RAPGEF4: variants seen among roughly 807,000 people sequenced by gnomAD.
RAPGEF4 encodes the protein RAP guanine-nucleotide-exchange factor (GEF) 4.
In RAPGEF4, 66 loss-of-function variants were observed where a neutral mutation model predicts 147.9. The observed-to-expected ratio is 0.45, with a 90% CI of 0.37 to 0.55. The LOEUF (loss-of-function observed/expected upper bound fraction) is 0.55. Ranked by LOEUF, RAPGEF4 falls within the 20% of genes least tolerant of loss-of-function variation. The pLI is 0.00. For missense variants in RAPGEF4, 1,071 were observed against 1,257.3 expected (o/e 0.85, Z 2.24); for synonymous variants, 419 against 442.7 (o/e 0.95, Z 0.67).
chr2:172,910,266 C>G (rs1446718329), intron 4 of RAPGEF4, among the ~76,000 whole-genome samples: 1 of 152,178 alleles, frequency 6.6e-6, no homozygotes, highest in Non-Finnish European at 1.5e-5. Flanking sequence ...CTCCAATAAC[C>G]TCTAGACAGT....
intron 23 of RAPGEF4, among the ~76,000 whole-genome samples, chr2:173,025,049 C>G (rs1696528718): frequency 6.6e-6 from 1 of 152,252 alleles, no homozygotes; most frequent in African/African-American, 2.4e-5. Context: ...ACCACACATT[C>G]ATTCCAAATA....
chr2:172,810,888 G>A (rs919206343), intron 3 of RAPGEF4, among the ~76,000 whole-genome samples: 10 of 152,166 alleles, frequency 6.6e-5, no homozygotes, highest in Non-Finnish European at 1.3e-4. Flanking sequence ...CCTTGTTTTC[G>A]GTTTCCCCAG....
chr2:173,023,863 C>T (rs1405566377), intron 23 of RAPGEF4, among the ~76,000 whole-genome samples: 1 of 152,194 alleles, frequency 6.6e-6, no homozygotes, highest in Admixed American at 6.5e-5. Flanking sequence ...CTCCGCAGAG[C>T]AGCAGAAGGG....
intron 6 of RAPGEF4, among the ~76,000 whole-genome samples, chr2:172,947,555 C>G (rs1346422685): frequency 6.6e-6 from 1 of 152,170 alleles, no homozygotes; most frequent in Non-Finnish European, 1.5e-5. Flanking sequence ...GGGTGTCTTT[C>G]ATGCATACAA....
chr2:173,026,292 TGAGAG>T (rs914679070), intron 23 of RAPGEF4, among the ~76,000 whole-genome samples: 2 of 152,172 alleles, frequency 1.3e-5, no homozygotes, highest in Non-Finnish European at 2.9e-5. Flanking sequence ...GGCCTGAGTG[TGAGAG>T]AAGAGAACCT....
rs199696709 is a variant in RAPGEF4 at position 172,967,271 on chromosome 2, G to T, written c.831G>T (p.Glu277Asp). The change falls in exon 10 of 31, where the codon GAG becomes GAT. Residue 277 changes from glutamate (E) to aspartate (D), a missense_variant. Physicochemically the swap from Glu to Asp is conservative, Grantham distance 45 (BLOSUM62 2). Transcript: ENST00000397081. ...EDGVLNHVDQEHHFQDKYLFY... is the reference protein window; with the variant it reads ...EDGVLNHVDQDHHFQDKYLFY... The stretch of plus-strand genomic sequence containing the variant: ...CCATGTTTCCCATAGTGGACCAGGA[G>T]CACCATTTCCAAGACAAATATTTAT... The T allele has an allele frequency of 6.2e-7, 1 of 1,611,962 alleles. No individual in the cohort carries two copies. Among genetic ancestry groups the T allele is most frequent in the African/African-American group, 1.3e-5 (1 of 75,012 alleles).
At chr2:172,967,964 G>A (rs1690032640) in intron 10 of RAPGEF4, among the ~76,000 whole-genome samples, 1 of 152,156 alleles carries the variant, frequency 6.6e-6, no homozygotes, top group African/African-American at 2.4e-5. Context: ...GGCCCCCATT[G>A]AGCCACTGAG....
intron 4 of RAPGEF4, among the ~76,000 whole-genome samples, chr2:172,827,991 C>CT (rs993359524): frequency 1.5e-4 from 23 of 149,558 alleles, no homozygotes; most frequent in South Asian, 1.1e-3. Context: ...TTGATGCACA[C>CT]TTTTTTTTTT....
intron 4 of RAPGEF4, among the ~76,000 whole-genome samples, chr2:172,871,817 A>G (rs962185140): frequency 1.3e-5 from 2 of 152,092 alleles, no homozygotes; most frequent in Admixed American, 1.3e-4. Context: ...TCACTTTTAC[A>G]TGGCTGTTTA....
At chr2:172,746,315 G>A (rs932095851) in intron 1 of RAPGEF4, among the ~76,000 whole-genome samples, 1 of 152,146 alleles carries the variant, frequency 6.6e-6, no homozygotes, top group Admixed American at 6.5e-5. Flanking sequence ...GTAACTTAAT[G>A]GTGTTCCGTC....
chr2:172,972,554 A>T (rs1351404585), intron 10 of RAPGEF4, among the ~76,000 whole-genome samples: 2 of 152,218 alleles, frequency 1.3e-5, no homozygotes, highest in Non-Finnish European at 2.9e-5. Flanking sequence ...CTTTACTGGA[A>T]AGATTTTGGC....
chr2:172,772,795 C>T (rs563478149), intron 1 of RAPGEF4, among the ~76,000 whole-genome samples: 2 of 152,342 alleles, frequency 1.3e-5, no homozygotes, highest in South Asian at 4.1e-4. Context: ...TAAGGCTGCT[C>T]ACAGTCTGGG....
rs150567205 is a variant in RAPGEF4 at position 172,891,197 on chromosome 2, G to A, written c.445-26605G>A. ...TATTAAACCAAGCGCTGACCCTTCT[G>A]AACATGCGGTTCTGTGTGACTGCAC... On this transcript the variant is annotated intron_variant, in intron 4 of 30. Transcript: ENST00000397081. 1.1e-4 allele frequency among the ~76,000 whole-genome samples: 16 copies of A among 152,244 alleles called. No homozygotes were observed. The East Asian group carries it at 2.7e-3, about 26-fold the overall frequency.
intron 4 of RAPGEF4, among the ~76,000 whole-genome samples, chr2:172,816,849 G>C (rs144632031): frequency 5.3e-4 from 80 of 152,314 alleles, no homozygotes; most frequent in African/African-American, 1.9e-3. Context: ...GTGAGTAAGA[G>C]ATAGTCAGAT....
At chr2:172,754,813 C>T (rs1455945322) in intron 1 of RAPGEF4, among the ~76,000 whole-genome samples, 4 of 152,204 alleles carry the variant, frequency 2.6e-5, no homozygotes, top group Middle Eastern at 3.4e-3. Flanking sequence ...GAGGCCGAGG[C>T]GGGCGGATCA....
chr2:173,012,754 C>T (rs1695143735), intron 17 of RAPGEF4, among the ~76,000 whole-genome samples: 1 of 152,182 alleles, frequency 6.6e-6, no homozygotes, highest in South Asian at 2.1e-4. Flanking sequence ...GGACTTGAAC[C>T]CAGATCCTCC....
chr2:172,806,033 G>A (rs1052523817), intron 3 of RAPGEF4, among the ~76,000 whole-genome samples: 1 of 151,398 alleles, frequency 6.6e-6, no homozygotes, highest in Non-Finnish European at 1.5e-5. Flanking sequence ...GTGTGTGTGT[G>A]TGTGTGTGTG....
chr2:172,802,726 T>C (rs545850848), intron 3 of RAPGEF4, among the ~76,000 whole-genome samples: 2 of 152,240 alleles, frequency 1.3e-5, no homozygotes, highest in Non-Finnish European at 2.9e-5. Flanking sequence ...CAATGTCTTA[T>C]CTGAGACAAG....
At chr2:172,786,743 G>A (rs1256739316) in intron 1 of RAPGEF4, among the ~76,000 whole-genome samples, 2 of 152,096 alleles carry the variant, frequency 1.3e-5, no homozygotes, top group East Asian at 3.9e-4. Context: ...GGATGTGGTG[G>A]CATGTACCTG....
Sources: gnomAD v4.1 joint callset for allele counts (sites outside exome capture counted in the v4.1 genomes callset) on GRCh38, gnomAD v4.1.1 for gene constraint, MANE v1.5 for transcripts, NCBI Gene and HGNC (gene_info 2026-07-23, HGNC 2026-07-21) for gene names.